Variants in DVL1 observed in about 807,000 individuals in gnomAD.
DVL1 encodes the protein segment polarity protein dishevelled homolog DVL-1.
In DVL1, 49 loss-of-function variants were observed where a neutral mutation model predicts 65.0. The ratio of observed to expected loss-of-function variants is 0.75; its 90% confidence interval spans 0.60 to 0.96. The LOEUF (loss-of-function observed/expected upper bound fraction) is 0.96, where lower values mean the gene tolerates loss of function less well. DVL1 is among the 40% of genes least tolerant of loss of function. The pLI is 0.00. For missense variants in DVL1, 1,197 were observed against 1,045.4 expected (o/e 1.15, Z -2.00); for synonymous variants, 608 against 433.9 (o/e 1.40, Z -4.99).
intron 2 of DVL1, 65 bp downstream of exon 2, chr1:1,342,624 C>G: frequency 6.3e-7 from 1 of 1,597,996 alleles, no homozygotes; most frequent in Admixed American, 1.7e-5. Flanking sequence ...CCGCCTCCCC[C>G]AGGAAGAGCC....
intron 1 of DVL1, among the ~76,000 whole-genome samples, 179 bp downstream of exon 1, chr1:1,348,717 A>G (rs928272177): frequency 6.6e-6 from 1 of 151,900 alleles, no homozygotes; most frequent in Non-Finnish European, 1.5e-5. Context: ...CTCCACGGAC[A>G]GGTGGGCGCG....
At chr1:1,339,060 T>C (rs1024593590) in intron 11 of DVL1, among the ~76,000 whole-genome samples, 1 of 152,158 alleles carries the variant, frequency 6.6e-6, no homozygotes, top group Non-Finnish European at 1.5e-5. Flanking sequence ...GCTCCCCGCA[T>C]AGGGGCCCTA....
chr1:1,347,760 C>T (rs1265497500), intron 1 of DVL1, among the ~76,000 whole-genome samples: 2 of 152,196 alleles, frequency 1.3e-5, no homozygotes, highest in Admixed American at 1.3e-4. Context: ...TCCTGCCCAA[C>T]CTGACCGGAG....
chr1:1,341,226 T>C (rs931502755), intron 5 of DVL1, among the ~76,000 whole-genome samples: 6 of 150,030 alleles, frequency 4.0e-5, no homozygotes, highest in East Asian at 4.0e-4. Context: ...CACGCACACA[T>C]GCACACACCT....
Position 1,338,011 on chromosome 1 carries a change from A to G in DVL1, c.1680T>C (p.Tyr560=). 1 of 1,611,970 alleles carries G rather than the reference A, an allele frequency of 6.2e-7. No individual in the cohort carries two copies. Among genetic ancestry groups the G allele is most frequent in the Non-Finnish European group, 8.5e-7 (1 of 1,179,754 alleles). The change falls in exon 14 of 15, where the codon TAT becomes TAC. Residue 560 remains tyrosine, a synonymous_variant. Coordinates refer to ENST00000378888, the MANE Select transcript of DVL1 (RefSeq NM_001330311.2). ...GCTGACTCCCGGTGCTGCCGCTGCC[A>G]TAGCTAAAGCCCGGGTCCTGGTAGG... is the stretch of plus-strand genomic sequence containing the variant. ...PPAYQDPGFS[Y]GSGSTGSQQS...
rs141570756 is a variant in DVL1, at chr1:1,339,332, G to A, written c.1162C>T (p.Arg388Cys). ...GTSPCSSAVT[R>C]TSSSSLTSSV... ...CTGGTTAGTGAGGAGGAGCTGGTGCGCGTGACGGCGCTGGAGCAGGGACTC... is the reference window on the plus strand; with the variant it reads ...CTGGTTAGTGAGGAGGAGCTGGTGCACGTGACGGCGCTGGAGCAGGGACTC... Residue 388 changes from arginine to cysteine, a missense_variant, in exon 11 of 15, where the codon CGC becomes TGC. By Grantham distance (180) the Arg-to-Cys change is radical. Transcript: ENST00000378888. The A allele has an allele frequency of 8.4e-6, 13 of 1,548,646 alleles. No homozygotes were observed. The highest frequency in any genetic ancestry group is 2.3e-4 in the Middle Eastern group (1 of 4,416).
At chr1:1,343,624 G>A (rs1432691939) in intron 1 of DVL1, among the ~76,000 whole-genome samples, 1 of 152,196 alleles carries the variant, frequency 6.6e-6, no homozygotes, top group Non-Finnish European at 1.5e-5. Context: ...CCTGCCCAGG[G>A]TCAGGCTCTG....
In DVL1 at chr1:1,342,365, G is replaced by A. The variant is rs1349237813; in HGVS notation, c.360C>T (p.Phe120=). ...CCCAGCGCCCACGGTGTCCTTACTG[G>A]AAGGAGGGGGGCCGGGAGTCCCCGA... is the stretch of plus-strand genomic sequence containing the variant. The part of the protein sequence containing the change: ...GGIGDSRPPS[F]HPNVASSRDG... The change falls in exon 3 of 15, where the codon TTC becomes TTT. Residue 120 remains phenylalanine (F), a splice_region_variant and synonymous_variant. Transcript: ENST00000378888. 6.3e-7 allele frequency: 1 copy of A among 1,576,016 alleles called. No individual in the cohort carries two copies.
chr1:1,344,751 C>A (rs1038834327), intron 1 of DVL1, among the ~76,000 whole-genome samples: 13 of 152,294 alleles, frequency 8.5e-5, no homozygotes, highest in Non-Finnish European at 1.5e-4. Context: ...TGGAGCAACC[C>A]AGGGTGAGGC....
At chr1:1,342,577 T>C (rs1643866317) in intron 2 of DVL1, 93 bp from the exon 3 acceptor site, 6 of 1,574,208 alleles carry the variant, frequency 3.8e-6, no homozygotes, top group African/African-American at 1.3e-5. Context: ...CAAGCTGCCC[T>C]ATCCGCACCC....
chr1:1,345,300 G>A (rs1315313331), intron 1 of DVL1, among the ~76,000 whole-genome samples: 1 of 152,214 alleles, frequency 6.6e-6, no homozygotes, highest in Admixed American at 6.5e-5. Flanking sequence ...CAGTGGCAGG[G>A]TGCAGACCCA....
Position 1,336,523 on chromosome 1 carries a change from T to C in DVL1, c.1715-8A>G, listed in dbSNP as rs759267143. On this transcript the variant is annotated splice_region_variant and splice_polypyrimidine_tract_variant and intron_variant, in intron 14 of 14. Coordinates refer to ENST00000378888, the MANE Select transcript of DVL1 (RefSeq NM_001330311.2). ...ACCCACTGCTTTTGCTCCCTGGGAG[T>C]GAGAACAGGATGGGGAAGGAGCCTG... 2 of 1,502,930 alleles carry C rather than the reference T, an allele frequency of 1.3e-6. No homozygotes were observed. Among genetic ancestry groups the C allele is most frequent in the Non-Finnish European group, 1.8e-6 (2 of 1,135,072 alleles). The allele number at this position is 1,502,930 out of a possible 1,614,324, so 93.1% of individuals were successfully genotyped here. A position where few individuals can be genotyped will look rare whatever the true frequency, so the allele number is the denominator to read the frequency against.
At chr1:1,348,097 G>A (rs1400358030) in intron 1 of DVL1, among the ~76,000 whole-genome samples, 2 of 152,218 alleles carry the variant, frequency 1.3e-5, no homozygotes, top group Non-Finnish European at 2.9e-5. Context: ...CTGTTGAGCT[G>A]GGACTAGGGA....
chr1:1,343,632 C>G (rs1375655370), intron 1 of DVL1, among the ~76,000 whole-genome samples: 4 of 152,216 alleles, frequency 2.6e-5, no homozygotes, highest in Non-Finnish European at 4.4e-5. Context: ...GGGTCAGGCT[C>G]TGTGAGGGCA....
chr1:1,336,319 G>A lies in DVL1; in HGVS notation c.1911C>T (p.Thr637=), dbSNP rs760791785. 1.3e-4 allele frequency: 200 copies of A among 1,574,288 alleles called. 2 individuals carry two copies. Among genetic ancestry groups the A allele is most frequent in the African/African-American group, 1.2e-3 (90 of 74,534 alleles). The change falls in exon 15 of 15, where the codon ACC becomes ACT. Residue 637 remains threonine (T), a synonymous_variant. Coordinates refer to ENST00000378888, the MANE Select transcript of DVL1 (RefSeq NM_001330311.2). ...GSSPRSQASA[T]APGLPPPHPT... Reference sequence around the variant, plus strand: ...GGTGGGGCGGGGGGAGCCCCGGGGCGGTAGCCGAGGCCTGACTGCGTGGGC... The same window carrying A: ...GGTGGGGCGGGGGGAGCCCCGGGGCAGTAGCCGAGGCCTGACTGCGTGGGC...
intron 1 of DVL1, among the ~76,000 whole-genome samples, chr1:1,346,113 AC>A (rs1643911177): frequency 6.6e-6 from 1 of 152,122 alleles, no homozygotes; most frequent in African/African-American, 2.4e-5. Context: ...CCCAAGTGGC[AC>A]AGCCAGGGAG....
At chr1:1,348,644 G>A (rs1643960270) in intron 1 of DVL1, among the ~76,000 whole-genome samples, 1 of 152,158 alleles carries the variant, frequency 6.6e-6, no homozygotes, top group African/African-American at 2.4e-5. Context: ...ACGGGCCAAG[G>A]CAGGACTCGG....
chr1:1,348,598 G>C (rs1487923575), intron 1 of DVL1, among the ~76,000 whole-genome samples: 16 of 152,244 alleles, frequency 1.1e-4, no homozygotes, highest in Non-Finnish European at 5.9e-5. Flanking sequence ...CTCCCGGCCA[G>C]CCCCGGTGGA....
intron 5 of DVL1, 159 bp from the exon 6 acceptor site, chr1:1,340,662 T>C (rs1643768694): frequency 1.1e-5 from 3 of 272,664 alleles, no homozygotes; most frequent in Non-Finnish European, 1.7e-5. Context: ...GCACACGTGA[T>C]ATGCATATGA....
Sources: allele counts gnomAD v4.1 joint callset (sites outside exome capture counted in the v4.1 genomes callset), GRCh38; gene constraint gnomAD v4.1.1; transcripts MANE v1.5; gene names NCBI Gene and HGNC (gene_info 2026-07-23, HGNC 2026-07-21).